CEP170: variants seen among roughly 807,000 people sequenced by gnomAD.
CEP170 encodes the protein centrosomal protein of 170 kDa.
CEP170 carries 21 observed loss-of-function variants against 151.9 expected under a neutral mutation model. That is an observed-to-expected ratio of 0.14 (90% CI 0.10 to 0.20). The LOEUF is 0.20. Ranked by LOEUF, CEP170 falls within the 10% of genes least tolerant of loss-of-function variation. The probability of loss-of-function intolerance (pLI) is 1.00; values close to 1 mark genes in which losing one functional copy is unlikely to be tolerated. For missense variants in CEP170, 964 were observed against 1,892.9 expected, an observed-to-expected ratio of 0.51 and a Z score of 9.11; for synonymous variants, 356 against 648.8, an observed-to-expected ratio of 0.55 and a Z score of 6.86.
chr1:243,226,041 C>A (rs2063213668), intron 1 of CEP170, among the ~76,000 whole-genome samples: 2 of 74,838 alleles, frequency 2.7e-5, no homozygotes, highest in African/African-American at 4.4e-5. Context: ...ATATCTATCT[C>A]TAGATATATA....
intron 15 of CEP170, among the ~76,000 whole-genome samples, chr1:243,141,205 G>A (rs1000494663): frequency 8.6e-4 from 130 of 152,022 alleles, no homozygotes; most frequent in South Asian, 1.7e-3. Context: ...GGATTATCTT[G>A]TAAAATTGAA....
At chr1:243,251,286 T>G (rs959193019) in intron 1 of CEP170, among the ~76,000 whole-genome samples, 2 of 152,200 alleles carry the variant, frequency 1.3e-5, no homozygotes, top group African/African-American at 4.8e-5. Context: ...ATGAGCTGAC[T>G]TCTAAAGTTC....
rs1472012371 is a variant in CEP170 at position 243,128,307 on chromosome 1, G to A, written c.4414-7C>T. The A allele has an allele frequency of 1.9e-6, 3 of 1,573,286 alleles. No individual in the cohort carries two copies. Among genetic ancestry groups the A allele is most frequent in the South Asian group, 2.4e-5 (2 of 82,990 alleles). On this transcript the variant is annotated splice_region_variant and splice_polypyrimidine_tract_variant and intron_variant, in intron 18 of 19. Transcript: ENST00000366542. ...GTAAGATAGAAGAAATCTCCTGCAG[G>A]GAAAGCAATAACAAAAATTAGCCTA...
chr1:243,218,291 C>T (rs1485637551), intron 3 of CEP170, among the ~76,000 whole-genome samples: 1 of 152,170 alleles, frequency 6.6e-6, no homozygotes, highest in African/African-American at 2.4e-5. Flanking sequence ...CTGATGGGGG[C>T]AGTCCAGTAA....
At chr1:243,170,260 C>G (rs1387093284) in intron 11 of CEP170, among the ~76,000 whole-genome samples, 1 of 151,774 alleles carries the variant, frequency 6.6e-6, no homozygotes, top group Non-Finnish European at 1.5e-5. Context: ...TGGCATATGA[C>G]TGTAATCCCA....
intron 1 of CEP170, chr1:243,253,318 C>G (rs898094666): frequency 2.6e-5 from 4 of 152,200 alleles, no homozygotes; most frequent in African/African-American, 9.7e-5. Context: ...TCAGGGAGCA[C>G]ATAGAGAAGC....
chr1:243,156,365 C>G lies in CEP170; in HGVS notation c.3767G>C (p.Arg1256Pro). ...TTTCAGGGCTGGAGAAGTACGTAGA[C>G]GGGTATGTTTAGGGGAATTACGGTT... ...GSNRNSPKHT[R>P]LRTSPALKTT... is the part of the protein sequence containing the mutation. Residue 1256 changes from arginine (R) to proline (P), a missense_variant, in exon 14 of 20, where the codon CGT (arginine) becomes CCT (proline). Arg to Pro is a moderately radical substitution (Grantham distance 103). Transcript: ENST00000366542. 2 of 1,574,768 alleles carry G rather than the reference C, an allele frequency of 1.3e-6. No homozygotes were observed. The highest frequency in any genetic ancestry group is 1.7e-6 in the Non-Finnish European group (2 of 1,160,110).
At chr1:243,192,409 A>T (rs71211938) in intron 7 of CEP170, among the ~76,000 whole-genome samples, 1 of 152,198 alleles carries the variant, frequency 6.6e-6, no homozygotes, top group Non-Finnish European at 1.5e-5. Flanking sequence ...ATACATAAAT[A>T]AAAATGACAA....
At chr1:243,243,092 G>A (rs557431986) in intron 1 of CEP170, among the ~76,000 whole-genome samples, 89 of 152,318 alleles carry the variant, frequency 5.8e-4, no homozygotes, top group African/African-American at 1.8e-3. Context: ...AAGGCTAGGC[G>A]TGGTGGCTCA....
intron 12 of CEP170, among the ~76,000 whole-genome samples, chr1:243,167,907 TAACA>T (rs2058556460): frequency 6.6e-6 from 1 of 151,980 alleles, no homozygotes; most frequent in Admixed American, 6.5e-5. Flanking sequence ...TCAATATGCT[TAACA>T]AAAACGTTTT....
In CEP170 at chr1:243,128,313, C is replaced by G. The variant is rs749793351; in HGVS notation, c.4414-13G>C. 7.6e-6 allele frequency: 12 copies of G among 1,570,126 alleles called. No homozygotes were observed. Among genetic ancestry groups the G allele is most frequent in the Non-Finnish European group, 9.4e-6 (11 of 1,164,712 alleles). ...TAGAAGAAATCTCCTGCAGGGAAAG[C>G]AATAACAAAAATTAGCCTACTTTTA... is the stretch of plus-strand genomic sequence containing the variant. On this transcript the variant is annotated splice_polypyrimidine_tract_variant and intron_variant, in intron 18 of 19. Transcript: ENST00000366542.
At chr1:243,157,481 T>C (rs2057665920) in intron 13 of CEP170, among the ~76,000 whole-genome samples, 4 of 152,234 alleles carry the variant, frequency 2.6e-5, no homozygotes, top group Admixed American at 2.6e-4. Context: ...TAGCTGAGTG[T>C]TGGCTAGCAA....
intron 1 of CEP170, among the ~76,000 whole-genome samples, chr1:243,231,847 T>G (rs2063790671): frequency 6.6e-6 from 1 of 152,210 alleles, no homozygotes. Flanking sequence ...CGGTGGCTCA[T>G]GCCTGTAATT....
intron 10 of CEP170, among the ~76,000 whole-genome samples, chr1:243,180,635 G>T (rs2059561940): frequency 6.6e-6 from 1 of 152,170 alleles, no homozygotes; most frequent in East Asian, 1.9e-4. Context: ...CATAGATTTT[G>T]ATTCTGGTTT....
chr1:243,132,672 A>C (rs2054555103), intron 17 of CEP170, among the ~76,000 whole-genome samples: 1 of 152,020 alleles, frequency 6.6e-6, no homozygotes, highest in South Asian at 2.1e-4. Flanking sequence ...TTTGTTCTCA[A>C]TTTTAGTTCA....
chr1:243,245,950 AAAAAAAG>A (rs1178860336), intron 1 of CEP170, among the ~76,000 whole-genome samples: 10 of 151,958 alleles, frequency 6.6e-5, no homozygotes, highest in African/African-American at 2.4e-4. Context: ...CGTCTCAAAA[AAAAAAAG>A]AAAAAAGAAA....
intron 1 of CEP170, among the ~76,000 whole-genome samples, chr1:243,246,109 A>G (rs2149167362): frequency 6.6e-6 from 1 of 152,272 alleles, no homozygotes; most frequent in Admixed American, 6.5e-5. Context: ...AGGTTTAATT[A>G]GTAGAATTCT....
intron 8 of CEP170, among the ~76,000 whole-genome samples, chr1:243,188,967 T>C (rs2060105006): frequency 6.6e-6 from 1 of 152,154 alleles, no homozygotes. Flanking sequence ...CTATCTTGGA[T>C]CAAAAAATGA....
intron 4 of CEP170, among the ~76,000 whole-genome samples, chr1:243,203,866 G>A (rs2061230771): frequency 6.6e-6 from 1 of 151,874 alleles, no homozygotes. Flanking sequence ...GAGACAATAA[G>A]GGTTTAAAAG....
Sources: allele counts gnomAD v4.1 joint callset (sites outside exome capture counted in the v4.1 genomes callset), GRCh38; gene constraint gnomAD v4.1.1; transcripts MANE v1.5; gene names NCBI Gene and HGNC (gene_info 2026-07-23, HGNC 2026-07-21).